Variants in CSMD1 observed in about 807,000 individuals in gnomAD.
The protein encoded by CSMD1 is CUB and sushi domain-containing protein 1.
Under a neutral mutation model 417.5 loss-of-function variants are expected in CSMD1, and 213 were observed. The observed-to-expected ratio is 0.51, with a 90% CI of 0.46 to 0.57. The LOEUF (loss-of-function observed/expected upper bound fraction) is 0.57, where lower values mean the gene tolerates loss of function less well. Ranked by LOEUF, CSMD1 falls within the 20% of genes least tolerant of loss-of-function variation. The pLI is 0.00. For synonymous variants in CSMD1, 2,862 were observed against 1,736.8 expected, an observed-to-expected ratio of 1.65 and a Z score of -16.11; for missense variants, 6,923 against 4,529.7, an observed-to-expected ratio of 1.53 and a Z score of -15.17.
intron 25 of CSMD1, among the ~76,000 whole-genome samples, chr8:3,285,221 G>A (rs1263145007): frequency 6.6e-6 from 1 of 152,136 alleles, no homozygotes; most frequent in Non-Finnish European, 1.5e-5. Context: ...CAACTGCTTT[G>A]TTTTGCATAT....
At chr8:3,251,503 C>T (rs1190545414) in intron 26 of CSMD1, among the ~76,000 whole-genome samples, 3 of 152,146 alleles carry the variant, frequency 2.0e-5, no homozygotes, top group African/African-American at 4.8e-5. Flanking sequence ...AGCATGATGC[C>T]TCCAGCTTTG....
intron 1 of CSMD1, among the ~76,000 whole-genome samples, chr8:4,832,615 T>A (rs1468594632): frequency 6.6e-6 from 1 of 152,196 alleles, no homozygotes; most frequent in Non-Finnish European, 1.5e-5. Context: ...ACTTAGGGAT[T>A]ATAGTAAGTG....
intron 3 of CSMD1, among the ~76,000 whole-genome samples, chr8:4,341,959 AC>A (rs1800502474): frequency 1.3e-5 from 2 of 152,122 alleles, no homozygotes; most frequent in South Asian, 2.1e-4. Flanking sequence ...GACACATATT[AC>A]CCTGGTTCAA....
At chr8:3,859,896 ATTC>A (rs1804576948) in intron 5 of CSMD1, among the ~76,000 whole-genome samples, 1 of 152,142 alleles carries the variant, frequency 6.6e-6, no homozygotes, top group African/African-American at 2.4e-5. Flanking sequence ...TTTAACATAT[ATTC>A]TTCTTCTGTA....
intron 30 of CSMD1, among the ~76,000 whole-genome samples, chr8:3,208,086 CAAAT>C (rs1000303634): frequency 3.9e-5 from 6 of 152,076 alleles, no homozygotes; most frequent in Non-Finnish European, 7.4e-5. Context: ...AAACTTAGCA[CAAAT>C]AAAGATTGAA....
At position 4,106,520 on chromosome 8, in the gene CSMD1, C is replaced by A. The variant is rs1801576933; in HGVS notation, c.416-74421G>T. Among the ~76,000 whole-genome samples the A allele has an allele frequency of 2.0e-5, 3 of 151,896 alleles. No individual in the cohort carries two copies. In the South Asian group the frequency reaches 6.2e-4, roughly 32 times the overall value. On this transcript the variant is annotated intron_variant, in intron 3 of 69. Transcript: ENST00000635120. ...TTCAATAGAAACAGAATGAGAGCCTCCTATGATATTTTAAATTTAAGAGAA... is the reference window on the plus strand; with the variant it reads ...TTCAATAGAAACAGAATGAGAGCCTACTATGATATTTTAAATTTAAGAGAA...
intron 45 of CSMD1, 129 bp downstream of exon 45, chr8:3,107,589 G>T: frequency 2.1e-6 from 1 of 469,788 alleles, no homozygotes; most frequent in Admixed American, 5.8e-5. Flanking sequence ...AGGATAGTTT[G>T]TTCTTTGTTT....
chr8:4,319,071 A>T (rs545812300), intron 3 of CSMD1, among the ~76,000 whole-genome samples: 69 of 152,308 alleles, frequency 4.5e-4, no homozygotes, highest in African/African-American at 1.7e-3. Context: ...CTTTTACTTC[A>T]TTAGTAGTCC....
chr8:4,869,339 G>T (rs978368114), intron 1 of CSMD1, among the ~76,000 whole-genome samples: 1 of 151,874 alleles, frequency 6.6e-6, no homozygotes, highest in Non-Finnish European at 1.5e-5. Flanking sequence ...AGGGAAACTG[G>T]ATCTCTTTCC....
chr8:3,629,812 T>C (rs1366827806), intron 7 of CSMD1, among the ~76,000 whole-genome samples: 1 of 152,176 alleles, frequency 6.6e-6, no homozygotes, highest in Non-Finnish European at 1.5e-5. Flanking sequence ...CTAAAAGACA[T>C]AACTTCGGTC....
Position 2,936,831 on chromosome 8 carries a change from A to T in CSMD1, c.*1754T>A, listed in dbSNP as rs997699855. ...TCCTTTTCCACATTTGAAGTCCTAC[A>T]TGGAAACCTTCAGTACACCAACAGA... On this transcript the variant is annotated 3_prime_UTR_variant, in exon 70 of 70. Transcript: ENST00000635120. The T allele has an allele frequency of 3.3e-5, 5 of 152,204 alleles. No homozygotes were observed. Among genetic ancestry groups the T allele is most frequent in the Non-Finnish European group, 7.3e-5 (5 of 68,042 alleles). The allele number at this position is 152,204 out of a possible 1,614,324, so 9.4% of individuals were successfully genotyped here. A position where few individuals can be genotyped will look rare whatever the true frequency, so the allele number is the denominator to read the frequency against.
At chr8:3,849,846 C>T (rs191955727) in intron 5 of CSMD1, among the ~76,000 whole-genome samples, 8 of 149,422 alleles carry the variant, frequency 5.4e-5, no homozygotes, top group East Asian at 2.0e-4. Flanking sequence ...GATGGAGTCT[C>T]GCTCTGTCGC....
intron 68 of CSMD1, among the ~76,000 whole-genome samples, chr8:2,942,979 C>A (rs1382626112): frequency 6.6e-6 from 1 of 152,072 alleles, no homozygotes; most frequent in Non-Finnish European, 1.5e-5. Context: ...TTTTTCAGGT[C>A]TTAAGGCCAG....
At chr8:3,358,788 G>A (rs1266354256) in intron 21 of CSMD1, among the ~76,000 whole-genome samples, 2 of 152,132 alleles carry the variant, frequency 1.3e-5, no homozygotes, top group Non-Finnish European at 2.9e-5. Flanking sequence ...CAATGCAATT[G>A]TCAGAGGTTG....
At chr8:4,010,019 A>G (rs1816422782) in intron 4 of CSMD1, among the ~76,000 whole-genome samples, 1 of 152,146 alleles carries the variant, frequency 6.6e-6, no homozygotes, top group African/African-American at 2.4e-5. Flanking sequence ...ATGCTCCTGA[A>G]TGTCTCCTAC....
chr8:4,618,193 A>G (rs188942810), intron 2 of CSMD1, among the ~76,000 whole-genome samples: 69 of 152,222 alleles, frequency 4.5e-4, no homozygotes, highest in African/African-American at 1.5e-3. Context: ...GCATGTGACC[A>G]ACAATTTCCC....
intron 7 of CSMD1, among the ~76,000 whole-genome samples, chr8:3,640,001 A>T (rs1797227834): frequency 6.6e-6 from 1 of 152,198 alleles, no homozygotes; most frequent in African/African-American, 2.4e-5. Flanking sequence ...GGGATATAGT[A>T]GGTGCTCAAT....
rs374354109 is a variant in CSMD1 at position 4,637,448 on chromosome 8, C to A, written c.196G>T (p.Glu66Ter). ...AAGGACAACTGTATCCTATTGCGCT[C>A]GCCCGTGATGATGATCCAGGTGCAG... ...ANCTWIIITG[E>*]RNRIQLSFHT... is the part of the protein sequence containing the mutation. Residue 66 changes from glutamate to a stop codon, truncating the protein, a stop_gained, in exon 2 of 70, where the codon GAG (glutamate) becomes TAG (stop). Coordinates refer to ENST00000635120, the MANE Select transcript of CSMD1 (RefSeq NM_033225.6). LOFTEE classifies it high-confidence loss of function. 6.2e-7 allele frequency: 1 copy of A among 1,613,796 alleles called. No individual in the cohort carries two copies. The highest frequency in any genetic ancestry group is 8.5e-7 in the Non-Finnish European group (1 of 1,179,864).
chr8:3,567,046 C>A (rs575976215), intron 10 of CSMD1, among the ~76,000 whole-genome samples: 1 of 152,312 alleles, frequency 6.6e-6, no homozygotes, highest in East Asian at 1.9e-4. Context: ...CGATGGTAGA[C>A]TGGATAAAGA....
Sources: gnomAD v4.1 joint callset for allele counts (sites outside exome capture counted in the v4.1 genomes callset) on GRCh38, gnomAD v4.1.1 for gene constraint, MANE v1.5 for transcripts, NCBI Gene and HGNC (gene_info 2026-07-23, HGNC 2026-07-21) for gene names.